The following GRK5 variants were observed in gnomAD, a reference collection of about 807,000 sequenced individuals.
GRK5 encodes G protein-coupled receptor kinase 5, also known as g protein-coupled receptor kinase GRK5.
In GRK5, 40 loss-of-function variants were observed where a neutral mutation model predicts 78.4. That is an observed-to-expected ratio of 0.51 (90% CI 0.40 to 0.66). The LOEUF (loss-of-function observed/expected upper bound fraction) is 0.66. Ranked by LOEUF, GRK5 falls within the 30% of genes least tolerant of loss-of-function variation. GRK5 has a pLI of 0.00. For synonymous variants in GRK5, 289 were observed against 296.8 expected (o/e 0.97, Z 0.27); for missense variants, 598 against 759.9 (o/e 0.79, Z 2.50).
chr10:119,425,419 A>C (rs1196541269), intron 6 of GRK5, among the ~76,000 whole-genome samples: 1 of 152,218 alleles, frequency 6.6e-6, no homozygotes, highest in Non-Finnish European at 1.5e-5. Flanking sequence ...GATTTAATCC[A>C]GTGCCCTGTT....
intron 15 of GRK5, among the ~76,000 whole-genome samples, chr10:119,454,657 G>C (rs1402568547): frequency 1.3e-5 from 2 of 152,198 alleles, no homozygotes; most frequent in African/African-American, 4.8e-5. Context: ...GCATGCCCAA[G>C]GCCACTCTGC....
intron 1 of GRK5, among the ~76,000 whole-genome samples, chr10:119,219,088 C>T (rs758036994): frequency 3.9e-5 from 6 of 151,954 alleles, no homozygotes; most frequent in East Asian, 3.9e-4. Context: ...CGGGTTTCAC[C>T]GTGTTAGCCA....
At chr10:119,447,463 G>C (rs114219020) in intron 12 of GRK5, among the ~76,000 whole-genome samples, 1,530 of 152,214 alleles carry the variant, frequency 0.01, 33 homozygotes, top group African/African-American at 0.035. Flanking sequence ...CTGCCACTCT[G>C]CTTTGCTGGT....
intron 1 of GRK5, among the ~76,000 whole-genome samples, chr10:119,212,199 G>A (rs1848499388): frequency 6.6e-6 from 1 of 151,940 alleles, no homozygotes; most frequent in South Asian, 2.1e-4. Flanking sequence ...TGACAACTTG[G>A]AGGTAGAGAA....
At chr10:119,404,062 G>A (rs575460013) in intron 4 of GRK5, among the ~76,000 whole-genome samples, 3 of 152,346 alleles carry the variant, frequency 2.0e-5, no homozygotes, top group African/African-American at 7.2e-5. Flanking sequence ...GCTGGGTCAT[G>A]TGGTAACTCT....
At chr10:119,356,032 T>C (rs1438341227) in intron 2 of GRK5, among the ~76,000 whole-genome samples, 1 of 152,154 alleles carries the variant, frequency 6.6e-6, no homozygotes. Context: ...AGTAAGATAA[T>C]AATACATTCT....
intron 2 of GRK5, among the ~76,000 whole-genome samples, chr10:119,359,662 C>T (rs1160278324): frequency 6.6e-6 from 1 of 152,238 alleles, no homozygotes; most frequent in Non-Finnish European, 1.5e-5. Context: ...GACTGCATCT[C>T]ACACAGTGGC....
intron 1 of GRK5, among the ~76,000 whole-genome samples, chr10:119,310,935 C>T (rs1453456031): frequency 6.6e-6 from 1 of 152,138 alleles, no homozygotes; most frequent in African/African-American, 2.4e-5. Flanking sequence ...TGATGAGAAC[C>T]CCTTCTCTTT....
intron 1 of GRK5, among the ~76,000 whole-genome samples, chr10:119,228,306 G>C (rs762302687): frequency 1.1e-4 from 16 of 151,752 alleles, no homozygotes; most frequent in Non-Finnish European, 2.1e-4. Context: ...GATGGTGCCA[G>C]TATGCTCCAG....
intron 1 of GRK5, among the ~76,000 whole-genome samples, chr10:119,297,416 T>C (rs1850102722): frequency 6.6e-6 from 1 of 152,198 alleles, no homozygotes; most frequent in South Asian, 2.1e-4. Context: ...GCCTCCCCAC[T>C]GTACAGAGGT....
At chr10:119,437,344 A>G (rs994356960) in intron 9 of GRK5, among the ~76,000 whole-genome samples, 2 of 152,172 alleles carry the variant, frequency 1.3e-5, no homozygotes, top group Non-Finnish European at 2.9e-5. Context: ...TCAATCCCAC[A>G]GGGACCTGGA....
chr10:119,265,367 C>T (rs888869316), intron 1 of GRK5, among the ~76,000 whole-genome samples: 2 of 152,142 alleles, frequency 1.3e-5, no homozygotes, highest in African/African-American at 4.8e-5. Flanking sequence ...TGTTTTTGTG[C>T]CCACACAATT....
chr10:119,303,277 C>A (rs1346942476), intron 1 of GRK5, among the ~76,000 whole-genome samples: 1 of 152,274 alleles, frequency 6.6e-6, no homozygotes, highest in South Asian at 2.1e-4. Context: ...GTGATGAGTA[C>A]TCTGTAGTGG....
Position 119,354,010 on chromosome 10 carries a change from A to G in GRK5, c.149-26805A>G, listed in dbSNP as rs573277815. On this transcript the variant is annotated intron_variant, in intron 2 of 15. Coordinates refer to ENST00000392870, the MANE Select transcript of GRK5 (RefSeq NM_005308.3). ...TTCATTTTTCTGTAGAAATATTACT[A>G]TGTTGATTTTGGGGATGTTTGATAT... 6.3e-4 allele frequency among the ~76,000 whole-genome samples: 80 copies of G among 126,726 alleles called. No homozygotes were observed. The Middle Eastern group carries it at 0.023, about 37-fold the overall frequency. 83.1% of individuals were successfully genotyped at this position (126,726 alleles called of 152,430 possible). A position where few individuals can be genotyped will look rare whatever the true frequency, so the allele number is the denominator to read the frequency against.
At chr10:119,236,516 TAC>T (rs1204011842) in intron 1 of GRK5, among the ~76,000 whole-genome samples, 2 of 152,198 alleles carry the variant, frequency 1.3e-5, no homozygotes, top group African/African-American at 4.8e-5. Context: ...GCCTGGCCCC[TAC>T]ACACTATTTT....
chr10:119,268,238 A>G (rs1468457433), intron 1 of GRK5, among the ~76,000 whole-genome samples: 1 of 152,230 alleles, frequency 6.6e-6, no homozygotes, highest in Non-Finnish European at 1.5e-5. Context: ...ACTTTAGAAC[A>G]AGCTTTGTGT....
chr10:119,366,664 T>C (rs1009178918), intron 2 of GRK5, among the ~76,000 whole-genome samples: 4 of 152,184 alleles, frequency 2.6e-5, no homozygotes, highest in Admixed American at 2.6e-4. Context: ...TCCTGGAGGC[T>C]GGAGCACCCC....
intron 4 of GRK5, among the ~76,000 whole-genome samples, chr10:119,408,291 A>G (rs913592790): frequency 1.7e-4 from 22 of 132,292 alleles, no homozygotes; most frequent in African/African-American, 5.8e-4. Context: ...AGTGTGAGCT[A>G]TGATTGCACC....
intron 1 of GRK5, among the ~76,000 whole-genome samples, chr10:119,279,940 C>T (rs1385567502): frequency 1.3e-5 from 2 of 152,182 alleles, no homozygotes; most frequent in African/African-American, 4.8e-5. Context: ...ATGATGCCTA[C>T]AACCTGGCTA....
Sources: allele counts gnomAD v4.1 joint callset (sites outside exome capture counted in the v4.1 genomes callset), GRCh38; gene constraint gnomAD v4.1.1; transcripts MANE v1.5; gene names NCBI Gene and HGNC (gene_info 2026-07-23, HGNC 2026-07-21).